Variants in MARCHF1 observed in about 807,000 individuals in gnomAD.
MARCHF1 encodes E3 ubiquitin-protein ligase MARCHF1.
Under a neutral mutation model 54.2 loss-of-function variants are expected in MARCHF1, and 40 were observed. The ratio of observed to expected loss-of-function variants is 0.74; its 90% CI spans 0.57 to 0.96. MARCHF1 has a LOEUF of 0.96. MARCHF1 is among the 40% of genes least tolerant of loss of function. MARCHF1 has a pLI of 0.00. For missense variants in MARCHF1, 586 were observed against 656.5 expected, an observed-to-expected ratio of 0.89 and a Z score of 1.17; for synonymous variants, 236 against 236.3, an observed-to-expected ratio of 1.00 and a Z score of 0.01.
chr4:163,733,195 A>ATATATATACACGTG (rs1554008824), intron 4 of MARCHF1, among the ~76,000 whole-genome samples: 6 of 26,352 alleles, frequency 2.3e-4, no homozygotes, highest in Non-Finnish European at 3.0e-4. Flanking sequence ...ATATATATAT[A>ATATATATACACGTG]TATATATATA....
At chr4:164,149,407 T>A (rs927098987) in intron 1 of MARCHF1, among the ~76,000 whole-genome samples, 4 of 152,110 alleles carry the variant, frequency 2.6e-5, no homozygotes, top group African/African-American at 9.7e-5. Flanking sequence ...TCAGAAATTA[T>A]CAGAACATGG....
intron 1 of MARCHF1, chr4:164,197,202 C>G: frequency 6.2e-7 from 1 of 1,609,756 alleles, no homozygotes; most frequent in Non-Finnish European, 8.5e-7. Flanking sequence ...CCTCCTCATG[C>G]TCACCCTCCT....
At chr4:164,105,495 A>C (rs1240637893) in intron 2 of MARCHF1, among the ~76,000 whole-genome samples, 91 of 136,888 alleles carry the variant, frequency 6.6e-4, no homozygotes, top group African/African-American at 2.5e-3. Context: ...GACAAACCTG[A>C]GAAAAACAAG....
At chr4:163,780,234 C>T (rs1747424989) in intron 4 of MARCHF1, among the ~76,000 whole-genome samples, 1 of 152,152 alleles carries the variant, frequency 6.6e-6, no homozygotes, top group Non-Finnish European at 1.5e-5. Flanking sequence ...GGGAATCTTC[C>T]TTAATGCCTT....
At chr4:163,790,231 T>C (rs1291702891) in intron 4 of MARCHF1, among the ~76,000 whole-genome samples, 2 of 152,150 alleles carry the variant, frequency 1.3e-5, no homozygotes, top group Non-Finnish European at 2.9e-5. Flanking sequence ...AATAGTACTT[T>C]ATTTTCCTCC....
At chr4:164,360,989 CTG>C (rs1018952409) in intron 1 of MARCHF1, among the ~76,000 whole-genome samples, 1 of 151,704 alleles carries the variant, frequency 6.6e-6, no homozygotes, top group Non-Finnish European at 1.5e-5. Context: ...ATACACAACA[CTG>C]TACCATAATG....
intron 3 of MARCHF1, among the ~76,000 whole-genome samples, chr4:163,907,185 T>C (rs946816066): frequency 6.6e-6 from 1 of 152,080 alleles, no homozygotes; most frequent in African/African-American, 2.4e-5. Context: ...ATATTTACAT[T>C]GCCTAGTTTA....
chr4:163,644,207 C>T (rs1372085283), intron 5 of MARCHF1, among the ~76,000 whole-genome samples: 1 of 152,124 alleles, frequency 6.6e-6, no homozygotes, highest in African/African-American at 2.4e-5. Flanking sequence ...AGAAGGTCCA[C>T]CACTCATTTT....
intron 3 of MARCHF1, among the ~76,000 whole-genome samples, chr4:163,915,366 T>C (rs1012144573): frequency 7.2e-5 from 11 of 151,952 alleles, no homozygotes; most frequent in Non-Finnish European, 1.6e-4. Context: ...TCCAAATAGA[T>C]AGGCATCCTA....
intron 4 of MARCHF1, among the ~76,000 whole-genome samples, chr4:163,813,408 G>A (rs138407989): frequency 6.6e-5 from 10 of 152,204 alleles, no homozygotes; most frequent in Non-Finnish European, 1.0e-4. Flanking sequence ...AATTACTCAT[G>A]ACACTCTCCT....
At chr4:163,561,466 C>T (rs78080976) in intron 8 of MARCHF1, among the ~76,000 whole-genome samples, 1 of 152,112 alleles carries the variant, frequency 6.6e-6, no homozygotes. Context: ...GATACATAGT[C>T]AAGATTTCTG....
At chr4:163,890,465 T>A (rs1220062210) in intron 3 of MARCHF1, among the ~76,000 whole-genome samples, 2 of 152,134 alleles carry the variant, frequency 1.3e-5, no homozygotes, top group South Asian at 2.1e-4. Context: ...CTGACTCAGA[T>A]CAAACCTTCA....
chr4:164,110,024 T>C (rs972736944), intron 2 of MARCHF1, among the ~76,000 whole-genome samples: 1 of 150,644 alleles, frequency 6.6e-6, no homozygotes, highest in Admixed American at 6.6e-5. Flanking sequence ...GGAGCTGATA[T>C]ATGGAAACAT....
chr4:163,642,205 C>T (rs758075406), intron 5 of MARCHF1, among the ~76,000 whole-genome samples: 3 of 152,124 alleles, frequency 2.0e-5, no homozygotes, highest in Non-Finnish European at 4.4e-5. Context: ...CTTATTTTTG[C>T]CTTTCTCTGG....
chr4:163,591,749 C>T (rs753522624), intron 7 of MARCHF1, among the ~76,000 whole-genome samples: 49 of 152,036 alleles, frequency 3.2e-4, no homozygotes, highest in Non-Finnish European at 1.0e-4. Context: ...GTTTATGTTT[C>T]GGGAAAATTC....
At position 164,047,553 on chromosome 4, in the gene MARCHF1, T is replaced by A. The variant is rs1019883734; in HGVS notation, c.-247-58844A>T. On this transcript the variant is annotated intron_variant, in intron 2 of 9. Coordinates refer to ENST00000514618, the MANE Select transcript of MARCHF1 (RefSeq NM_001394959.1). ...AGTGACCTTCTGTAATGCATCCCAATGTAATTTTGCAGGTTTTTCCACCTT... is the reference window on the plus strand; with the variant it reads ...AGTGACCTTCTGTAATGCATCCCAAAGTAATTTTGCAGGTTTTTCCACCTT... Among the ~76,000 whole-genome samples, 16 of 152,332 alleles carry A rather than the reference T, an allele frequency of 1.1e-4. No homozygotes were observed. The East Asian group carries it at 1.9e-3, about 18-fold the overall frequency.
In MARCHF1 at chr4:164,228,676, A is replaced by T. The variant is rs888246019; in HGVS notation, c.-322-117014T>A. 2.6e-5 allele frequency among the ~76,000 whole-genome samples: 4 copies of T among 152,214 alleles called. No homozygotes were observed. The South Asian group carries it at 8.3e-4, about 31-fold the overall frequency. On this transcript the variant is annotated intron_variant, in intron 1 of 9. Coordinates refer to ENST00000514618, the MANE Select transcript of MARCHF1 (RefSeq NM_001394959.1). ...CTTTACAATTTATTTACCCTCAAATATTAAATTGAAGGGTGGTACATTTTT... is the reference window on the plus strand; with the variant it reads ...CTTTACAATTTATTTACCCTCAAATTTTAAATTGAAGGGTGGTACATTTTT...
intron 1 of MARCHF1, among the ~76,000 whole-genome samples, chr4:164,286,038 A>G (rs1231458514): frequency 6.6e-6 from 1 of 152,152 alleles, no homozygotes; most frequent in East Asian, 1.9e-4. Context: ...CAGAAAAATC[A>G]AGATTTCCCT....
chr4:163,857,261 T>C (rs1424164919), intron 3 of MARCHF1, among the ~76,000 whole-genome samples: 1 of 152,118 alleles, frequency 6.6e-6, no homozygotes, highest in Non-Finnish European at 1.5e-5. Flanking sequence ...GCATTATCGA[T>C]GCTACAATAT....
Sources: gnomAD v4.1 joint callset for allele counts (sites outside exome capture counted in the v4.1 genomes callset) on GRCh38, gnomAD v4.1.1 for gene constraint, MANE v1.5 for transcripts, NCBI Gene and HGNC (gene_info 2026-07-23, HGNC 2026-07-21) for gene names.